Variants in TDG observed in about 807,000 individuals in gnomAD.
TDG encodes G/T mismatch-specific thymine DNA glycosylase.
Under a neutral mutation model 46.1 loss-of-function variants are expected in TDG, and 23 were observed. The ratio of observed to expected loss-of-function variants is 0.50; its 90% CI spans 0.36 to 0.71. The LOEUF (loss-of-function observed/expected upper bound fraction) is 0.71. Among genes scored for constraint, TDG ranks in the 30% least tolerant of loss-of-function variants. The pLI is 0.00. For synonymous variants in TDG, 115 were observed against 161.3 expected (o/e 0.71, Z 2.18); for missense variants, 304 against 486.7 (o/e 0.62, Z 3.53).
chr12:103,975,368 A>G (rs1044733721), intron 1 of TDG, among the ~76,000 whole-genome samples: 4 of 152,096 alleles, frequency 2.6e-5, no homozygotes, highest in Admixed American at 2.0e-4. Context: ...GACTGAATCT[A>G]TTTTGTGTTG....
At chr12:103,985,166 T>TACATACACACACAC (rs1555275231) in intron 8 of TDG, among the ~76,000 whole-genome samples, 2,005 of 138,456 alleles carry the variant, frequency 0.014, 24 homozygotes, top group South Asian at 0.025. Flanking sequence ...TATAGACACA[T>TACATACACACACAC]ACACACACAC....
chr12:103,982,999 A>G, intron 5 of TDG, 65 bp downstream of exon 5: 1 of 1,600,742 alleles, frequency 6.2e-7, no homozygotes, highest in South Asian at 1.1e-5. Context: ...CAAATATTCT[A>G]GGAACATCAT....
At chr12:103,985,885 G>A (rs1380348797) in intron 9 of TDG, among the ~76,000 whole-genome samples, 157 bp downstream of exon 9, 3 of 152,094 alleles carry the variant, frequency 2.0e-5, no homozygotes, top group South Asian at 2.1e-4. Flanking sequence ...GTTATTTCAC[G>A]TTGAATTACA....
chr12:103,974,997 AAAG>A (rs1871467435), intron 1 of TDG, among the ~76,000 whole-genome samples: 1 of 151,150 alleles, frequency 6.6e-6, no homozygotes, highest in Admixed American at 6.6e-5. Context: ...AAAAAAAGAA[AAAG>A]AAAAAGAAAA....
At position 103,988,152 on chromosome 12, in the gene TDG, C is replaced by T. The variant is rs1405952282; in HGVS notation, c.*1062C>T. 1 of 152,588 alleles carries T rather than the reference C, an allele frequency of 6.6e-6. No individual in the cohort carries two copies. Among genetic ancestry groups the T allele is most frequent in the Non-Finnish European group, 1.5e-5 (1 of 68,040 alleles). The allele number at this position is 152,588 out of a possible 1,614,324, so 9.5% of individuals were successfully genotyped here. On this transcript the variant is annotated 3_prime_UTR_variant, in exon 10 of 10. Coordinates refer to ENST00000392872, the MANE Select transcript of TDG (RefSeq NM_003211.6). ...CTTTGTGATTTTCTAATGAGTTTTCCATGGTGCTACAAATAATCCAGACTA... is the reference window on the plus strand; with the variant it reads ...CTTTGTGATTTTCTAATGAGTTTTCTATGGTGCTACAAATAATCCAGACTA...
intron 1 of TDG, among the ~76,000 whole-genome samples, chr12:103,972,178 G>A (rs1871316695): frequency 6.6e-6 from 1 of 151,952 alleles, no homozygotes; most frequent in Non-Finnish European, 1.5e-5. Flanking sequence ...GAGTACAGTG[G>A]TACGATCTTG....
At chr12:103,981,907 C>T (rs993576945) in intron 4 of TDG, among the ~76,000 whole-genome samples, 2 of 152,062 alleles carry the variant, frequency 1.3e-5, no homozygotes, top group Non-Finnish European at 2.9e-5. Context: ...CCAGCTACTA[C>T]GGAGGCTGGG....
intron 7 of TDG, 33 bp from the exon 8 acceptor site, chr12:103,984,716 G>A (rs1872019277): frequency 1.4e-6 from 2 of 1,403,086 alleles, no homozygotes; most frequent in South Asian, 1.7e-5. Context: ...AGAATTATAA[G>A]ATTTCTGAAA....
At chr12:103,984,322 G>A (rs1021808658) in intron 7 of TDG, among the ~76,000 whole-genome samples, 4 of 152,148 alleles carry the variant, frequency 2.6e-5, no homozygotes, top group African/African-American at 7.2e-5. Context: ...GGCCGGGCGT[G>A]GTGGCTCATG....
intron 7 of TDG, 54 bp from the exon 8 acceptor site, chr12:103,984,695 G>A: frequency 7.5e-7 from 1 of 1,332,792 alleles, no homozygotes; most frequent in African/African-American, 1.5e-5. Context: ...ATCTCAATGA[G>A]TGAATTCAAT....
intron 1 of TDG, among the ~76,000 whole-genome samples, chr12:103,972,205 G>A (rs1464245540): frequency 7.9e-5 from 12 of 151,922 alleles, no homozygotes; most frequent in Non-Finnish European, 1.8e-4. Context: ...TGCAGCCTCC[G>A]CCTCCCTAGT....
intron 1 of TDG, among the ~76,000 whole-genome samples, chr12:103,971,246 T>G (rs775622351): frequency 1.1e-4 from 16 of 152,094 alleles, no homozygotes; most frequent in Admixed American, 7.2e-4. Context: ...CTGTACACAA[T>G]TCATCAGTTC....
chr12:103,968,323 T>G (rs923770008), intron 1 of TDG, among the ~76,000 whole-genome samples: 8 of 152,098 alleles, frequency 5.3e-5, no homozygotes, highest in African/African-American at 1.9e-4. Flanking sequence ...CATGGACCAC[T>G]AAGAATACCA....
In TDG at chr12:103,985,739, CTCCACATGTGTATTCCT is replaced by C; in HGVS notation, c.1090+13_1090+29del. 1.4e-6 allele frequency: 1 copy of C among 726,468 alleles called. No homozygotes were observed. Among genetic ancestry groups the C allele is most frequent in the South Asian group, 5.3e-5 (1 of 18,970 alleles). The allele number at this position is 726,468 out of a possible 1,614,324, so 45.0% of individuals were successfully genotyped here. ...CTTCAAATGGGCTAAGTATGGTTCC[CTCCACATGTGTATTCCT>C]TTCAAAGACGGTTTGGTCAGGATTG... On this transcript the variant is annotated intron_variant, in intron 9 of 9. Coordinates refer to ENST00000392872, the MANE Select transcript of TDG (RefSeq NM_003211.6).
chr12:103,987,077 A>G lies in TDG; in HGVS notation c.1220A>G (p.Glu407Gly), dbSNP rs763535916. 1 of 1,613,902 alleles carries G rather than the reference A, an allele frequency of 6.2e-7. No homozygotes were observed. Among genetic ancestry groups the G allele is most frequent in the Non-Finnish European group, 8.5e-7 (1 of 1,179,932 alleles). Reference protein sequence around the residue: ...NHCGTQEQEEESHA With the variant: ...NHCGTQEQEEGSHA ...TGTGGAACACAAGAACAGGAAGAAG[A>G]AAGCCATGCTTAAGAATGGTGCTTC... is the stretch of plus-strand genomic sequence containing the variant. Residue 407 changes from glutamate to glycine, a missense_variant, in exon 10 of 10, where the codon GAA becomes GGA. Physicochemically the swap from Glu to Gly is moderately conservative, Grantham distance 98. Coordinates refer to ENST00000392872, the MANE Select transcript of TDG (RefSeq NM_003211.6).
chr12:103,985,700 A>G lies in TDG; in HGVS notation c.1062A>G (p.Glu354=), dbSNP rs1477863622. 2 of 1,613,850 alleles carry G rather than the reference A, an allele frequency of 1.2e-6. No homozygotes were observed. The highest frequency in any genetic ancestry group is 1.7e-6 in the Non-Finnish European group (2 of 1,179,868). The change falls in exon 9 of 10, where the codon GAA becomes GAG. Residue 354 remains glutamate, a synonymous_variant. Coordinates refer to ENST00000392872, the MANE Select transcript of TDG (RefSeq NM_003211.6). ...ACGGAGAAAATCCATGCAGCAGTGA[A>G]CCTTGTGGCTTCTCTTCAAATGGGC... ...GAYGENPCSS[E]PCGFSSNGLI...
rs1363879805 is a variant in TDG, at chr12:103,966,032, C to T, written c.-6C>T. The T allele has an allele frequency of 1.9e-6, 3 of 1,597,016 alleles. No individual in the cohort carries two copies. The highest frequency in any genetic ancestry group is 2.2e-5 in the South Asian group (2 of 89,034). ...GTGGAGCCGCCCGCATCAGCGGCCT[C>T]GGGGAATGGAAGCGGAGAACGCGGG... is the stretch of plus-strand genomic sequence containing the variant. On this transcript the variant is annotated 5_prime_UTR_variant, in exon 1 of 10. Coordinates refer to ENST00000392872, the MANE Select transcript of TDG (RefSeq NM_003211.6).
chr12:103,983,410 T>A (rs1311339934), intron 7 of TDG, 21 bp downstream of exon 7: 4 of 1,518,714 alleles, frequency 2.6e-6, no homozygotes, highest in African/African-American at 1.4e-5. Flanking sequence ...AAAATTGAAT[T>A]TGTAAATCAG....
intron 8 of TDG, 78 bp downstream of exon 8, chr12:103,984,998 TATAC>T (rs1381082300): frequency 8.9e-7 from 1 of 1,124,356 alleles, no homozygotes; most frequent in Non-Finnish European, 1.2e-6. Flanking sequence ...TATATACACA[TATAC>T]ATATATACAT....
Sources: allele counts gnomAD v4.1 joint callset (sites outside exome capture counted in the v4.1 genomes callset), GRCh38; gene constraint gnomAD v4.1.1; transcripts MANE v1.5; gene names NCBI Gene and HGNC (gene_info 2026-07-23, HGNC 2026-07-21).